SOX6: variants seen among roughly 807,000 people sequenced by gnomAD.
SOX6 encodes the protein transcription factor SOX-6.
In SOX6, 11 loss-of-function variants were observed where a neutral mutation model predicts 97.8. The ratio of observed to expected loss-of-function variants is 0.11; its 90% CI spans 0.07 to 0.19. SOX6 has a LOEUF of 0.19. SOX6 is among the 10% of genes least tolerant of loss of function. The pLI is 1.00. For synonymous variants in SOX6, 360 were observed against 371.4 expected (o/e 0.97, Z 0.35); for missense variants, 810 against 1,039.5 (o/e 0.78, Z 3.04).
intron 6 of SOX6, among the ~76,000 whole-genome samples, chr11:16,147,751 G>A (rs906672270): frequency 6.6e-6 from 1 of 152,008 alleles, no homozygotes. Context: ...AAATAACTTT[G>A]TTTACTTCAG....
chr11:16,504,745 T>A (rs1311669212), intron 4 of SOX6, among the ~76,000 whole-genome samples: 2 of 152,040 alleles, frequency 1.3e-5, no homozygotes, highest in African/African-American at 4.8e-5. Context: ...GGGAGGCAAC[T>A]GAATCATGGA....
At chr11:16,720,404 G>A (rs1416347342) in intron 2 of SOX6, among the ~76,000 whole-genome samples, 2 of 137,410 alleles carry the variant, frequency 1.5e-5, no homozygotes, top group Non-Finnish European at 3.1e-5. Context: ...GGACATGGAT[G>A]AAATTGGAAA....
chr11:16,078,458 T>G (rs193090878), intron 9 of SOX6, among the ~76,000 whole-genome samples: 38 of 152,316 alleles, frequency 2.5e-4, no homozygotes, highest in African/African-American at 7.7e-4. Context: ...AATCATGTAT[T>G]TTTAGTAAAT....
chr11:16,523,695 C>G (rs1202205616), intron 4 of SOX6, among the ~76,000 whole-genome samples: 2 of 152,052 alleles, frequency 1.3e-5, no homozygotes, highest in Non-Finnish European at 2.9e-5. Context: ...AATCCAGGAG[C>G]TGGTTTTTTG....
At chr11:16,702,588 C>A (rs1320674035) in intron 3 of SOX6, among the ~76,000 whole-genome samples, 1 of 152,088 alleles carries the variant, frequency 6.6e-6, no homozygotes, top group Non-Finnish European at 1.5e-5. Context: ...AACATCAGAA[C>A]CCCCCATTTC....
intron 4 of SOX6, among the ~76,000 whole-genome samples, chr11:16,594,806 TC>T (rs781395929): frequency 6.2e-5 from 9 of 144,570 alleles, no homozygotes; most frequent in Non-Finnish European, 1.2e-4. Flanking sequence ...TTCTCCTGCC[TC>T]AGCCTCCCAA....
chr11:16,651,200 A>T (rs1847646763), intron 3 of SOX6, among the ~76,000 whole-genome samples: 1 of 152,100 alleles, frequency 6.6e-6, no homozygotes. Flanking sequence ...TTCAAAGAAA[A>T]ATCAGTACCA....
chr11:15,998,478 A>G (rs140597547), intron 13 of SOX6, among the ~76,000 whole-genome samples: 1 of 106,662 alleles, frequency 9.4e-6, no homozygotes, highest in Non-Finnish European at 2.4e-5. Context: ...AAGACTCAAT[A>G]TTGTTACAAT....
At chr11:16,405,367 A>G (rs1424856462) in intron 1 of SOX6, among the ~76,000 whole-genome samples, 1 of 151,968 alleles carries the variant, frequency 6.6e-6, no homozygotes, top group Non-Finnish European at 1.5e-5. Context: ...AGGTGACCAC[A>G]CTGCTGTGCA....
intron 6 of SOX6, among the ~76,000 whole-genome samples, chr11:16,136,346 T>C (rs1849962250): frequency 1.5e-5 from 1 of 65,904 alleles, no homozygotes; most frequent in Non-Finnish European, 2.9e-5. Flanking sequence ...TGTGTGTGGT[T>C]TTTTTTTTTT....
At chr11:16,310,323 T>C (rs1042060563) in intron 3 of SOX6, among the ~76,000 whole-genome samples, 1 of 151,924 alleles carries the variant, frequency 6.6e-6, no homozygotes, top group Non-Finnish European at 1.5e-5. Context: ...CAAAAAAAAA[T>C]AGAATGCAAA....
chr11:16,724,429 T>C (rs776696837), intron 2 of SOX6, among the ~76,000 whole-genome samples: 15 of 152,074 alleles, frequency 9.9e-5, no homozygotes, highest in Non-Finnish European at 1.9e-4. Context: ...ACCAACATGT[T>C]TGTCAAGTTG....
intron 6 of SOX6, among the ~76,000 whole-genome samples, chr11:16,177,952 G>A (rs1437324623): frequency 6.6e-6 from 1 of 151,888 alleles, no homozygotes; most frequent in Non-Finnish European, 1.5e-5. Flanking sequence ...GGGGAGTACA[G>A]TGCAGTCTAA....
In SOX6 at chr11:16,097,673, A is replaced by G. The variant is rs1219432812; in HGVS notation, c.914T>C (p.Val305Ala). The G allele has an allele frequency of 6.2e-7, 1 of 1,611,026 alleles. No individual in the cohort carries two copies. The highest frequency in any genetic ancestry group is 8.5e-7 in the Non-Finnish European group (1 of 1,177,866). Residue 305 changes from valine to alanine, a missense_variant, in exon 8 of 16, where the codon GTA becomes GCA. Physicochemically the swap from Val to Ala is moderately conservative, Grantham distance 64. Coordinates refer to ENST00000683767, the MANE Select transcript of SOX6 (RefSeq NM_001367873.1). ...TGCCATTGTTGATGGAATGAACTGT[A>G]CGGGGTAGTTATCACCTGTCGGAAA... ...ITYKPGDNYP[V>A]QFIPSTMAAA...
intron 6 of SOX6, among the ~76,000 whole-genome samples, chr11:16,152,543 C>G (rs1850485272): frequency 6.6e-6 from 1 of 152,098 alleles, no homozygotes. Flanking sequence ...CAGAGAACAC[C>G]CTTTACCATT....
At chr11:16,551,724 C>A (rs1442251926) in intron 4 of SOX6, among the ~76,000 whole-genome samples, 1 of 152,066 alleles carries the variant, frequency 6.6e-6, no homozygotes, top group African/African-American at 2.4e-5. Flanking sequence ...CTGCCTCAGC[C>A]TCCTGAGTAG....
intron 4 of SOX6, among the ~76,000 whole-genome samples, chr11:16,606,644 A>G (rs895068410): frequency 6.6e-6 from 1 of 152,126 alleles, no homozygotes; most frequent in Non-Finnish European, 1.5e-5. Flanking sequence ...GGGGAGGCGG[A>G]GGTGGAGGAG....
chr11:16,225,110 T>C (rs1446599508), intron 4 of SOX6, among the ~76,000 whole-genome samples: 1 of 152,108 alleles, frequency 6.6e-6, no homozygotes, highest in Non-Finnish European at 1.5e-5. Context: ...TCTAGATCAA[T>C]ATAGCATTTG....
At chr11:16,281,214 C>G (rs1430582853) in intron 3 of SOX6, among the ~76,000 whole-genome samples, 1 of 152,024 alleles carries the variant, frequency 6.6e-6, no homozygotes, top group Non-Finnish European at 1.5e-5. Context: ...TCCAAGATGT[C>G]AAATGTTCAG....
Sources: allele counts gnomAD v4.1 joint callset (sites outside exome capture counted in the v4.1 genomes callset), GRCh38; gene constraint gnomAD v4.1.1; transcripts MANE v1.5; gene names NCBI Gene and HGNC (gene_info 2026-07-23, HGNC 2026-07-21).